Variants in WDR86 observed in about 807,000 individuals in gnomAD.
WDR86 encodes the protein WD repeat-containing protein 86.
WDR86 carries 30 observed loss-of-function variants against 36.5 expected under a neutral mutation model. That is an observed-to-expected ratio of 0.82 (90% CI 0.61 to 1.11). WDR86 has a LOEUF of 1.11. Among genes scored for constraint, WDR86 ranks in the 50% most tolerant of loss-of-function variants. The pLI is 0.00. For synonymous variants in WDR86, 255 were observed against 252.9 expected (o/e 1.01, Z -0.08); for missense variants, 545 against 561.2 (o/e 0.97, Z 0.29).
downstream of WDR86, among the ~76,000 whole-genome samples, chr7:151,378,985 C>G (rs1013685336): frequency 1.3e-5 from 2 of 152,158 alleles, no homozygotes; most frequent in African/African-American, 2.4e-5. Flanking sequence ...GGCATGGAGA[C>G]TTGGGCCGGG....
chr7:151,397,985 G>A (rs1022327776), intron 2 of WDR86, among the ~76,000 whole-genome samples: 1 of 152,198 alleles, frequency 6.6e-6, no homozygotes, highest in African/African-American at 2.4e-5. Flanking sequence ...CTGAAAACTC[G>A]GGAGGAAGTG....
Position 151,381,803 on chromosome 7 carries a change from G to T in WDR86, c.967-57C>A. The T allele has an allele frequency of 6.6e-7, 1 of 1,512,648 alleles. No homozygotes were observed. The highest frequency in any genetic ancestry group is 1.3e-5 in the South Asian group (1 of 79,712). The allele number at this position is 1,512,648 out of a possible 1,614,324, so 93.7% of individuals were successfully genotyped here. ...CGCGGTAGGCGGGGGGGACACCGCT[G>T]CCCGCGTGGATGGATCGGGGCGGGG... is the stretch of plus-strand genomic sequence containing the variant. On this transcript the variant is annotated intron_variant, in intron 5 of 5. Transcript: ENST00000334493. The surrounding 1 kb of genome is among the most constrained non-coding windows in gnomAD (Gnocchi z 4.8).
chr7:151,382,604 A>G (rs1012369678), intron 4 of WDR86, among the ~76,000 whole-genome samples: 1 of 152,360 alleles, frequency 6.6e-6, no homozygotes, highest in African/African-American at 2.4e-5. Flanking sequence ...AATCTGATTT[A>G]GCAGGCGGGG....
chr7:151,377,061 T>C, downstream of WDR86: 1 of 1,560,188 alleles, frequency 6.4e-7, no homozygotes, highest in Non-Finnish European at 8.7e-7. Flanking sequence ...CTCTAGTGCC[T>C]CAACAGACGA....
chr7:151,409,544 C>T lies in WDR86; in HGVS notation c.46G>A (p.Gly16Arg), dbSNP rs1251107661. The T allele has an allele frequency of 2.6e-6, 4 of 1,518,152 alleles. No individual in the cohort carries two copies. In the East Asian group the frequency reaches 9.9e-5, roughly 38 times the overall value. 94.0% of individuals were successfully genotyped at this position (1,518,152 alleles called of 1,614,324 possible). A position where few individuals can be genotyped will look rare whatever the true frequency, so the allele number is the denominator to read the frequency against. Residue 16 changes from glycine (G) to arginine (R), a missense_variant, in exon 1 of 6, where the codon GGG becomes AGG. By Grantham distance (125) the Gly-to-Arg change is moderately radical (BLOSUM62 -2). Coordinates refer to ENST00000334493, the MANE Select transcript of WDR86 (RefSeq NM_198285.3). This position sits in a 1 kb window ranked among gnomAD's most constrained non-coding sequence, Gnocchi z 5.2. The stretch of plus-strand genomic sequence containing the variant: ...CTCAGGCTCAGCCAGTTGATGCCCC[C>T]GCGGTGGTCGGCGCAGACCCTCAGG... ...SALRVCADHR[G>R]GINWLSLSPD...
chr7:151,391,109 G>C (rs1460224176), intron 3 of WDR86, among the ~76,000 whole-genome samples: 1 of 152,256 alleles, frequency 6.6e-6, no homozygotes, highest in African/African-American at 2.4e-5. Flanking sequence ...AAGGCAGATC[G>C]TGAGCGGCAC....
chr7:151,407,976 G>A (rs985015059), intron 1 of WDR86, among the ~76,000 whole-genome samples: 1 of 152,168 alleles, frequency 6.6e-6, no homozygotes, highest in South Asian at 2.1e-4. Context: ...TCTTATGTTT[G>A]GGAGCAATAC....
Position 151,390,036 on chromosome 7 carries a change from A to G in WDR86, c.727-4813T>C, listed in dbSNP as rs1799298767. On this transcript the variant is annotated intron_variant, in intron 3 of 5. Coordinates refer to ENST00000334493, the MANE Select transcript of WDR86 (RefSeq NM_198285.3). This position sits in a 1 kb window ranked among gnomAD's most constrained non-coding sequence, Gnocchi z 4.5. ...CTCCAGCCCAGCAGAGCACTGAGGC[A>G]GAGTGAGGGCCCCAGGCAGGCCATG... is the stretch of plus-strand genomic sequence containing the variant. Among the ~76,000 whole-genome samples the G allele has an allele frequency of 6.6e-6, 1 of 152,174 alleles. No individual in the cohort carries two copies. Among genetic ancestry groups the G allele is most frequent in the South Asian group, 2.1e-4 (1 of 4,832 alleles).
intron 2 of WDR86, among the ~76,000 whole-genome samples, chr7:151,398,926 C>T (rs922105022): frequency 1.3e-5 from 2 of 152,210 alleles, no homozygotes; most frequent in Non-Finnish European, 2.9e-5. Flanking sequence ...CCCAGCCCTA[C>T]TCTCTTCTTT....
chr7:151,399,764 T>G (rs1319612192), intron 2 of WDR86, among the ~76,000 whole-genome samples: 1 of 152,356 alleles, frequency 6.6e-6, no homozygotes, highest in East Asian at 1.9e-4. Flanking sequence ...TTAAGCCATT[T>G]CCTATGGAAT....
chr7:151,409,171 G>A lies in WDR86; in HGVS notation c.163+256C>T, dbSNP rs1800985961. Reference sequence around the variant, plus strand: ...GACAAATGATCTTCGCCTTTGTAGCGGACGCCCCTCGACCCACCCACCCGA... The same window carrying A: ...GACAAATGATCTTCGCCTTTGTAGCAGACGCCCCTCGACCCACCCACCCGA... On this transcript the variant is annotated intron_variant, in intron 1 of 5. Coordinates refer to ENST00000334493, the MANE Select transcript of WDR86 (RefSeq NM_198285.3). The surrounding 1 kb of genome is among the most constrained non-coding windows in gnomAD (Gnocchi z 5.2). 1 of 637,550 alleles carries A rather than the reference G, an allele frequency of 1.6e-6. No individual in the cohort carries two copies. Among genetic ancestry groups the A allele is most frequent in the Non-Finnish European group, 2.9e-6 (1 of 344,848 alleles). 39.5% of individuals were successfully genotyped at this position (637,550 alleles called of 1,614,324 possible). A position where few individuals can be genotyped will look rare whatever the true frequency, so the allele number is the denominator to read the frequency against.
At chr7:151,400,638 C>A (rs1356574561) in intron 1 of WDR86, among the ~76,000 whole-genome samples, 1 of 152,240 alleles carries the variant, frequency 6.6e-6, no homozygotes, top group Non-Finnish European at 1.5e-5. Flanking sequence ...CTGCCTTGGC[C>A]TCCCAAAGTG....
rs1402170029 is a variant in WDR86 at position 151,381,685 on chromosome 7, C to T, written c.1028G>A (p.Arg343His). The T allele has an allele frequency of 2.1e-6, 3 of 1,435,178 alleles. No homozygotes were observed. The highest frequency in any genetic ancestry group is 3.2e-5 in the Admixed American group (1 of 30,850). The allele number at this position is 1,435,178 out of a possible 1,614,324, so 88.9% of individuals were successfully genotyped here. A position where few individuals can be genotyped will look rare whatever the true frequency, so the allele number is the denominator to read the frequency against. ...GGGCCGCGGGGCACCTCGGAGCCCGCGCACGTCCCAGAGGCGCAGGGCGCC... is the reference window on the plus strand; with the variant it reads ...GGGCCGCGGGGCACCTCGGAGCCCGTGCACGTCCCAGAGGCGCAGGGCGCC... Reference protein sequence around the residue: ...HDGALRLWDVRGLRGAPRPPP... With the variant: ...HDGALRLWDVHGLRGAPRPPP... Residue 343 changes from arginine (R) to histidine (H), a missense_variant, in exon 6 of 6, where the codon CGC (arginine) becomes CAC (histidine). Arg to His is a conservative substitution (Grantham distance 29). Coordinates refer to ENST00000334493, the MANE Select transcript of WDR86 (RefSeq NM_198285.3). The surrounding 1 kb of genome is among the most constrained non-coding windows in gnomAD (Gnocchi z 4.8).
At chr7:151,395,705 AG>A (rs1799768865) in intron 3 of WDR86, 70 bp downstream of exon 3, 1 of 1,458,638 alleles carries the variant, frequency 6.9e-7, no homozygotes, top group Admixed American at 2.3e-5. Flanking sequence ...ACAGATACCC[AG>A]GGCAGGGCGG....
intron 3 of WDR86, among the ~76,000 whole-genome samples, chr7:151,387,397 G>T (rs1328151649): frequency 6.6e-6 from 1 of 152,154 alleles, no homozygotes; most frequent in African/African-American, 2.4e-5. Flanking sequence ...ACATGAGCCA[G>T]AGCCACACAG....
chr7:151,410,109 C>T, upstream of WDR86: 1 of 982,760 alleles, frequency 1.0e-6, no homozygotes, highest in Non-Finnish European at 1.2e-6. Flanking sequence ...CGCCCCAGCC[C>T]CCACCCCGCG....
chr7:151,390,750 C>T lies in WDR86; in HGVS notation c.726+5026G>A, dbSNP rs913319475. On this transcript the variant is annotated intron_variant, in intron 3 of 5. Transcript: ENST00000334493. The surrounding 1 kb of genome is among the most constrained non-coding windows in gnomAD (Gnocchi z 4.5). Reference sequence around the variant, plus strand: ...ATCTCATCACACACCACAACACAGACGAACCCTGAAGATCTTATGCTCATG... The same window carrying T: ...ATCTCATCACACACCACAACACAGATGAACCCTGAAGATCTTATGCTCATG... Among the ~76,000 whole-genome samples, 14 of 152,356 alleles carry T rather than the reference C, an allele frequency of 9.2e-5. No individual in the cohort carries two copies. The highest frequency in any genetic ancestry group is 4.1e-4 in the South Asian group (2 of 4,834).
downstream of WDR86, among the ~76,000 whole-genome samples, chr7:151,380,239 C>T (rs561425888): frequency 5.9e-5 from 9 of 152,338 alleles, no homozygotes; most frequent in Middle Eastern, 3.4e-3. Flanking sequence ...ACAGCGCCTG[C>T]GTCCTTTCCT....
chr7:151,391,475 T>C lies in WDR86; in HGVS notation c.726+4301A>G, dbSNP rs1469398262. 2.0e-5 allele frequency among the ~76,000 whole-genome samples: 3 copies of C among 152,182 alleles called. No homozygotes were observed. The East Asian group carries it at 5.8e-4, about 29-fold the overall frequency. On this transcript the variant is annotated intron_variant, in intron 3 of 5. Transcript: ENST00000334493. ...TATACAAGGGAAGAGAAAGGCAAGA[T>C]GGTCCCTTCTGTGGGTCGCATGGCC...
Sources: gnomAD v4.1 joint callset for allele counts (sites outside exome capture counted in the v4.1 genomes callset) on GRCh38, gnomAD v4.1.1 for gene constraint, Gnocchi (gnomAD v3.1) non-coding constraint, MANE v1.5 for transcripts, NCBI Gene and HGNC (gene_info 2026-07-23, HGNC 2026-07-21) for gene names.